Variants in DMD observed in about 807,000 individuals in gnomAD.
The protein encoded by DMD is mutant dystrophin.
Under a neutral mutation model 330.1 loss-of-function variants are expected in DMD, and 63 were observed. The observed-to-expected ratio is 0.19, with a 90% CI of 0.16 to 0.24. The LOEUF (loss-of-function observed/expected upper bound fraction) is 0.24. Among genes scored for constraint, DMD ranks in the 10% least tolerant of loss-of-function variants. DMD has a pLI of 1.00. For missense variants in DMD, 3,344 were observed against 2,684.1 expected, an observed-to-expected ratio of 1.25 and a Z score of -5.43; for synonymous variants, 1,223 against 959.8, an observed-to-expected ratio of 1.27 and a Z score of -5.07.
At position 31,208,628 on chromosome X, in the gene DMD, T is replaced by A. The variant is rs111861317; in HGVS notation, c.9563+870A>T. On this transcript the variant is annotated intron_variant, in intron 65 of 78. Transcript: ENST00000357033. ...TATCAAAATAAGAAAGAAAAAAAGGTATAAATTTTAGTTCAAAAGGTAGTA... is the reference window on the plus strand; with the variant it reads ...TATCAAAATAAGAAAGAAAAAAAGGAATAAATTTTAGTTCAAAAGGTAGTA... Among the ~76,000 whole-genome samples, 510 of 111,545 alleles carry A rather than the reference T, an allele frequency of 4.6e-3. 9 individuals are homozygous for A. The highest frequency in any genetic ancestry group is 0.016 in the African/African-American group (485 of 30,744).
chrX:33,276,258 G>A (rs751596798), intron 1 of DMD, among the ~76,000 whole-genome samples: 6 of 111,300 alleles, frequency 5.4e-5, no homozygotes, highest in Non-Finnish European at 7.5e-5. Flanking sequence ...GCATGATGAC[G>A]GTCACATCAG....
chrX:32,369,446 T>A (rs1466028644), intron 34 of DMD, among the ~76,000 whole-genome samples: 1 of 111,622 alleles, frequency 9.0e-6, no homozygotes, highest in East Asian at 2.8e-4. Flanking sequence ...CTCACTTCAC[T>A]GATACAGTAG....
chrX:31,250,045 C>T (rs1450295401), intron 63 of DMD, among the ~76,000 whole-genome samples: 4 of 109,396 alleles, frequency 3.7e-5, no homozygotes, highest in African/African-American at 1.3e-4. Flanking sequence ...AATTTAAATC[C>T]AGCCTCAAAG....
At chrX:32,474,861 T>G (rs2041063232) in intron 21 of DMD, among the ~76,000 whole-genome samples, 1 of 111,771 alleles carries the variant, frequency 8.9e-6, no homozygotes, top group African/African-American at 3.3e-5. Context: ...TAATTTAAAT[T>G]AGGTACCAGC....
chrX:32,767,870 CTAT>C (rs2073171475), intron 7 of DMD, among the ~76,000 whole-genome samples: 2 of 111,724 alleles, frequency 1.8e-5, no homozygotes, highest in South Asian at 7.4e-4. Flanking sequence ...ACACACCCTA[CTAT>C]GTGTCTGTAA....
At chrX:32,283,345 C>T (rs919175412) in intron 43 of DMD, among the ~76,000 whole-genome samples, 5 of 111,844 alleles carry the variant, frequency 4.5e-5, no homozygotes, top group African/African-American at 1.6e-4. Flanking sequence ...TACTACCATA[C>T]ATGTACCATT....
chrX:32,643,140 T>C (rs1292232469), intron 11 of DMD, among the ~76,000 whole-genome samples: 4 of 111,217 alleles, frequency 3.6e-5, no homozygotes, highest in Admixed American at 9.6e-5. Flanking sequence ...AGCAGGCGAA[T>C]AATATCAATA....
In DMD at chrX:32,361,609, G is replaced by A. The variant is rs189923310; in HGVS notation, c.5325+1179C>T. Among the ~76,000 whole-genome samples the A allele has an allele frequency of 1.8e-3, 197 of 111,791 alleles. 1 individual carries two copies. Among genetic ancestry groups the A allele is most frequent in the African/African-American group, 6.0e-3 (184 of 30,864 alleles). On this transcript the variant is annotated intron_variant, in intron 37 of 78. Transcript: ENST00000357033. ...AGCTAAACTATTTAGAATTTATCATGTCACATTTCACTTATTTTGAAAACT... is the reference window on the plus strand; with the variant it reads ...AGCTAAACTATTTAGAATTTATCATATCACATTTCACTTATTTTGAAAACT...
intron 37 of DMD, among the ~76,000 whole-genome samples, chrX:32,357,097 C>A (rs1569559524): frequency 9.0e-6 from 1 of 111,263 alleles, no homozygotes; most frequent in Non-Finnish European, 1.9e-5. Flanking sequence ...CCATGTTGGC[C>A]AGGTTGATCT....
intron 43 of DMD, among the ~76,000 whole-genome samples, chrX:32,255,176 C>A (rs573613268): frequency 4.2e-4 from 47 of 112,047 alleles, no homozygotes; most frequent in East Asian, 1.4e-3. Context: ...TTTCTCCATT[C>A]TTGGTCAGTG....
rs73451738 is a variant in DMD, at chrX:32,449,144, C to T, written c.3604-506G>A. On this transcript the variant is annotated intron_variant, in intron 26 of 78. Coordinates refer to ENST00000357033, the MANE Select transcript of DMD (RefSeq NM_004006.3). ...TATTTTGATAAAAGAAAGTTTCGTT[C>T]GAGAATTGAAAACACATGAGAGAAA... 3.5e-3 allele frequency among the ~76,000 whole-genome samples: 382 copies of T among 110,445 alleles called. 2 individuals carry two copies. The highest frequency in any genetic ancestry group is 0.011 in the African/African-American group (347 of 30,541).
chrX:31,516,048 G>C (rs1185948597), intron 55 of DMD, among the ~76,000 whole-genome samples: 1 of 111,072 alleles, frequency 9.0e-6, no homozygotes, highest in Non-Finnish European at 1.9e-5. Context: ...AGCTTTTGGA[G>C]CACACTTGCA....
At position 31,685,128 on chromosome X, in the gene DMD, C is replaced by G. The variant is rs150329194; in HGVS notation, c.7661-5542G>C. The stretch of plus-strand genomic sequence containing the variant: ...GTTCCTACATAAAAAATTTCCAAAG[C>G]CCATAGAACCAAAACTTACCAAAAA... On this transcript the variant is annotated intron_variant, in intron 52 of 78. Coordinates refer to ENST00000357033, the MANE Select transcript of DMD (RefSeq NM_004006.3). Among the ~76,000 whole-genome samples, 7 of 111,757 alleles carry G rather than the reference C, an allele frequency of 6.3e-5. No homozygotes were observed. In the East Asian group the frequency reaches 2.0e-3, roughly 31 times the overall value.
At chrX:31,560,941 T>C (rs771038163) in intron 55 of DMD, among the ~76,000 whole-genome samples, 128 of 111,510 alleles carry the variant, frequency 1.1e-3, no homozygotes, top group Middle Eastern at 4.7e-3. Context: ...AGTAGTTACG[T>C]TTTGGGGGAG....
Position 32,635,598 on chromosome X carries a change from C to T in DMD, c.1331+8534G>A, listed in dbSNP as rs144376914. ...AACATGTTTTAATATAGAAAAGCAA[C>T]ATTCATTTAAAAGAAAAGCTTGAGT... is the stretch of plus-strand genomic sequence containing the variant. On this transcript the variant is annotated intron_variant, in intron 11 of 78. Transcript: ENST00000357033. 5.7e-3 allele frequency among the ~76,000 whole-genome samples: 638 copies of T among 112,118 alleles called. 18 individuals carry two copies. In the East Asian group the frequency reaches 0.13, roughly 23 times the overall value.
chrX:33,052,236 T>C (rs1431243736), intron 1 of DMD, among the ~76,000 whole-genome samples: 1 of 112,248 alleles, frequency 8.9e-6, no homozygotes, highest in Admixed American at 9.5e-5. Context: ...CAAAATAATC[T>C]TGAAATTTTA....
intron 15 of DMD, among the ~76,000 whole-genome samples, chrX:32,566,730 G>C (rs961185095): frequency 8.9e-6 from 1 of 111,875 alleles, no homozygotes; most frequent in African/African-American, 3.3e-5. Flanking sequence ...TGTGAAATCA[G>C]TAAATCAGGG....
intron 74 of DMD, among the ~76,000 whole-genome samples, chrX:31,151,692 G>A (rs938540368): frequency 1.8e-5 from 2 of 112,623 alleles, no homozygotes; most frequent in Non-Finnish European, 3.8e-5. Flanking sequence ...ATTGCTCAAT[G>A]CAGGCCTTTC....
chrX:31,402,560 T>C (rs1487382556), intron 60 of DMD, among the ~76,000 whole-genome samples: 2 of 112,026 alleles, frequency 1.8e-5, no homozygotes, highest in Non-Finnish European at 3.8e-5. Context: ...CTTCTAGTGA[T>C]AATGTTCCAG....
Sources: gnomAD v4.1 joint callset for allele counts (sites outside exome capture counted in the v4.1 genomes callset) on GRCh38, gnomAD v4.1.1 for gene constraint, MANE v1.5 for transcripts, NCBI Gene and HGNC (gene_info 2026-07-23, HGNC 2026-07-21) for gene names.